Variants in SLC26A5 observed in about 807,000 individuals in gnomAD.
SLC26A5 encodes solute carrier family 26 member 5.
In SLC26A5, 51 loss-of-function variants were observed where a neutral mutation model predicts 81.0. The ratio of observed to expected loss-of-function variants is 0.63; its 90% confidence interval spans 0.50 to 0.80. The LOEUF is 0.80. Among genes scored for constraint, SLC26A5 ranks in the 30% least tolerant of loss-of-function variants. The pLI is 0.00. For synonymous variants in SLC26A5, 325 were observed against 332.8 expected, an observed-to-expected ratio of 0.98 and a Z score of 0.25; for missense variants, 771 against 905.8, an observed-to-expected ratio of 0.85 and a Z score of 1.91.
downstream of SLC26A5, among the ~76,000 whole-genome samples, chr7:103,373,781 AAAATGT>A (rs570068639): frequency 5.3e-4 from 81 of 152,344 alleles, no homozygotes; most frequent in African/African-American, 1.6e-3. Flanking sequence ...ACTTTGGTTA[AAAATGT>A]AAATGTATAT....
At chr7:103,379,428 G>A (rs1821611272) in intron 15 of SLC26A5, 93 bp from the exon 16 acceptor site, 1 of 776,832 alleles carries the variant, frequency 1.3e-6, no homozygotes. Flanking sequence ...AATGAATGCA[G>A]AAGTTGCTAA....
At chr7:103,420,958 C>T in intron 3 of SLC26A5, 81 bp from the exon 4 acceptor site, 1 of 1,469,268 alleles carries the variant, frequency 6.8e-7, no homozygotes, top group South Asian at 1.2e-5. Flanking sequence ...ATTTTCCCTT[C>T]CTTATTCCCA....
chr7:103,357,123 C>G (rs1820079954), intron 19 of SLC26A5, among the ~76,000 whole-genome samples: 1 of 151,970 alleles, frequency 6.6e-6, no homozygotes, highest in Admixed American at 6.6e-5. Flanking sequence ...GTCAGGAGTT[C>G]AAGACCAGCC....
chr7:103,376,235 C>A (rs1821345888), intron 19 of SLC26A5, among the ~76,000 whole-genome samples: 1 of 151,956 alleles, frequency 6.6e-6, no homozygotes, highest in African/African-American at 2.4e-5. Context: ...GCCACCATGT[C>A]TGGCTAATTT....
chr7:103,390,045 C>G (rs547311867), intron 12 of SLC26A5, among the ~76,000 whole-genome samples: 1 of 152,276 alleles, frequency 6.6e-6, no homozygotes, highest in African/African-American at 2.4e-5. Flanking sequence ...CTTCTCTACT[C>G]TATATGGTTC....
chr7:103,377,508 G>T, intron 18 of SLC26A5, 91 bp downstream of exon 18: 1 of 1,230,262 alleles, frequency 8.1e-7, no homozygotes, highest in Non-Finnish European at 1.2e-6. Context: ...ATCTTTTGTT[G>T]AAAAGAGAGC....
In SLC26A5 at chr7:103,374,687, T is replaced by G. The variant is rs1821225333; in HGVS notation, c.2042-95A>C. On this transcript the variant is annotated intron_variant, in intron 19 of 19. Transcript: ENST00000306312. ...CACTTCCATATAGTGTTTTTTTTTT[T>G]GTTATTGTTTTTTGTTTCTTTTTTT... 13 of 1,231,344 alleles carry G rather than the reference T, an allele frequency of 1.1e-5. No individual in the cohort carries two copies. In the East Asian group the frequency reaches 1.5e-4, roughly 14 times the overall value. The allele number at this position is 1,231,344 out of a possible 1,614,324, so 76.3% of individuals were successfully genotyped here.
At chr7:103,396,116 G>T (rs1201296642) in intron 9 of SLC26A5, among the ~76,000 whole-genome samples, 3 of 152,192 alleles carry the variant, frequency 2.0e-5, no homozygotes, top group African/African-American at 7.2e-5. Context: ...CAGCTAGTAC[G>T]TGGCAGGCTA....
chr7:103,406,142 GA>G (rs1824031409), intron 8 of SLC26A5, among the ~76,000 whole-genome samples: 1 of 152,176 alleles, frequency 6.6e-6, no homozygotes, highest in Non-Finnish European at 1.5e-5. Flanking sequence ...CGCTGAGCTA[GA>G]CCACTTGGCT....
intron 19 of SLC26A5, chr7:103,362,667 A>G (rs779630806): frequency 6.3e-7 from 1 of 1,578,664 alleles, no homozygotes; most frequent in South Asian, 1.1e-5. Flanking sequence ...ATTAATGACT[A>G]TCTTTTTTAC....
rs1450994742 is a variant in SLC26A5 at position 103,389,375 on chromosome 7, T to C, written c.1361A>G (p.Gln454Arg). Reference protein sequence around the residue: ...VIVNLKGMFMQFSDLPFFWRT... With the variant: ...VIVNLKGMFMRFSDLPFFWRT... Reference sequence around the variant, plus strand: ...CCAGAAAAAGGGGAGATCTGAGAACTGCATAAACATTCCCTTCAGGTTGAC... The same window carrying C: ...CCAGAAAAAGGGGAGATCTGAGAACCGCATAAACATTCCCTTCAGGTTGAC... Residue 454 changes from glutamine (Q) to arginine (R), a missense_variant, in exon 13 of 20, where the codon CAG becomes CGG. Coordinates refer to ENST00000306312, the MANE Select transcript of SLC26A5 (RefSeq NM_198999.3). The C allele has an allele frequency of 3.1e-6, 5 of 1,614,048 alleles. No homozygotes were observed. In the African/African-American group the frequency reaches 5.3e-5, roughly 17 times the overall value.
intron 2 of SLC26A5, among the ~76,000 whole-genome samples, chr7:103,440,806 T>C (rs1238588320): frequency 6.6e-6 from 1 of 152,188 alleles, no homozygotes; most frequent in Non-Finnish European, 1.5e-5. Context: ...TCCTCTGAGA[T>C]ACAGAGGTAA....
chr7:103,421,516 G>C lies in SLC26A5; in HGVS notation c.-2C>G. 1 of 1,613,902 alleles carries C rather than the reference G, an allele frequency of 6.2e-7. No individual in the cohort carries two copies. The highest frequency in any genetic ancestry group is 8.5e-7 in the Non-Finnish European group (1 of 1,179,886). On this transcript the variant is annotated 5_prime_UTR_variant, in exon 3 of 20. Coordinates refer to ENST00000306312, the MANE Select transcript of SLC26A5 (RefSeq NM_198999.3). ...TTCATTTTCTTCAGCATGATCCATAGTACTCTGAAATTATTCCTTAACAGC... is the reference window on the plus strand; with the variant it reads ...TTCATTTTCTTCAGCATGATCCATACTACTCTGAAATTATTCCTTAACAGC...
chr7:103,380,529 C>A lies in SLC26A5; in HGVS notation c.1535G>T (p.Gly512Val), dbSNP rs762612994. The change falls in exon 15 of 20, where the codon GGA becomes GTA. Residue 512 changes from glycine (G) to valine (V), a missense_variant. Physicochemically the swap from Gly to Val is moderately radical, Grantham distance 109. Transcript: ENST00000306312. ...ATACACATCAGTTTCAGGAAGCTTTCCAAGGACTTTGTAGCTTGGACTGAA... is the reference window on the plus strand; with the variant it reads ...ATACACATCAGTTTCAGGAAGCTTTACAAGGACTTTGTAGCTTGGACTGAA... ...RTQSPSYKVL[G>V]KLPETDVYID... is the part of the protein sequence containing the mutation. 1 of 1,613,610 alleles carries A rather than the reference C, an allele frequency of 6.2e-7. No individual in the cohort carries two copies. The highest frequency in any genetic ancestry group is 8.5e-7 in the Non-Finnish European group (1 of 1,179,760).
chr7:103,411,736 G>A (rs1322905322), intron 5 of SLC26A5, 150 bp from the exon 6 acceptor site: 4 of 856,798 alleles, frequency 4.7e-6, no homozygotes, highest in African/African-American at 3.4e-5. Context: ...CCTGGTGTAT[G>A]AGCAACCGTG....
chr7:103,414,639 G>A (rs1240012267), intron 4 of SLC26A5, among the ~76,000 whole-genome samples: 1 of 152,158 alleles, frequency 6.6e-6, no homozygotes, highest in African/African-American at 2.4e-5. Context: ...TTGTTTGGAT[G>A]TACCACAGTT....
intron 19 of SLC26A5, among the ~76,000 whole-genome samples, chr7:103,361,510 C>CAAAAAAAAAAAAAAAAAA (rs759044767): frequency 2.0e-5 from 1 of 51,100 alleles, no homozygotes; most frequent in Non-Finnish European, 4.1e-5. Context: ...AACTCCATCT[C>CAAAAAAAAAAAAAAAAAA]AAAAAAAAAA....
In SLC26A5 at chr7:103,374,524, G is replaced by A. The variant is rs749651702; in HGVS notation, c.2110C>T (p.His704Tyr). 1.2e-5 allele frequency: 19 copies of A among 1,613,556 alleles called. No homozygotes were observed. The East Asian group carries it at 3.8e-4, about 32-fold the overall frequency. ...CCTAAAACTGCATCATGAATGCTGT[G>A]GAACAGCAGCTCCCATAGGGCAGGA... ...ENPALWELLFHSIHDAVLGSQ... is the reference protein window; with the variant it reads ...ENPALWELLFYSIHDAVLGSQ... Residue 704 changes from histidine (H) to tyrosine (Y), a missense_variant, in exon 20 of 20, where the codon CAC becomes TAC. Physicochemically the swap from His to Tyr is moderately conservative, Grantham distance 83 (BLOSUM62 2). Transcript: ENST00000306312.
intron 7 of SLC26A5, among the ~76,000 whole-genome samples, chr7:103,408,452 C>A (rs955601278): frequency 1.3e-5 from 2 of 152,192 alleles, no homozygotes; most frequent in African/African-American, 4.8e-5. Context: ...GTCTCGAACT[C>A]CTGACCTCAA....
Sources: allele counts gnomAD v4.1 joint callset (sites outside exome capture counted in the v4.1 genomes callset), GRCh38; gene constraint gnomAD v4.1.1; transcripts MANE v1.5; gene names NCBI Gene and HGNC (gene_info 2026-07-23, HGNC 2026-07-21).